The following STOX1 variants were observed in gnomAD, a reference collection of about 807,000 sequenced individuals.
STOX1 encodes the protein storkhead-box protein 1.
STOX1 carries 57 observed loss-of-function variants against 74.8 expected under a neutral mutation model. The ratio of observed to expected loss-of-function variants is 0.76; its 90% CI spans 0.62 to 0.95. STOX1 has a LOEUF of 0.95. Among genes scored for constraint, STOX1 ranks in the 40% least tolerant of loss-of-function variants. STOX1 has a pLI of 0.00. For synonymous variants in STOX1, 375 were observed against 401.3 expected (o/e 0.93, Z 0.78); for missense variants, 1,010 against 1,117.0 (o/e 0.90, Z 1.37).
In STOX1 at chr10:68,827,547, C is replaced by A. The variant is rs1409738697; in HGVS notation, c.-77C>A. ...GACCCGCGCGCAGTCGGCCGATCCT[C>A]CCGCCGAGCGAGCGGCGTCGTAGCC... On this transcript the variant is annotated 5_prime_UTR_variant, in exon 1 of 4. Coordinates refer to ENST00000298596, the MANE Select transcript of STOX1 (RefSeq NM_152709.5). 1.0e-6 allele frequency: 1 copy of A among 988,424 alleles called. No homozygotes were observed. Among genetic ancestry groups the A allele is most frequent in the South Asian group, 4.9e-5 (1 of 20,564 alleles). The allele number at this position is 988,424 out of a possible 1,614,324, so 61.2% of individuals were successfully genotyped here.
chr10:68,882,465 A>G (rs1840833174), intron 2 of STOX1, among the ~76,000 whole-genome samples: 1 of 151,710 alleles, frequency 6.6e-6, no homozygotes, highest in African/African-American at 2.4e-5. Context: ...CTTATATATG[A>G]TAATATAATA....
chr10:68,888,497 G>A (rs1053936722), intron 3 of STOX1, among the ~76,000 whole-genome samples: 2 of 151,970 alleles, frequency 1.3e-5, no homozygotes, highest in African/African-American at 2.4e-5. Flanking sequence ...TTTGTCTACT[G>A]GGCTCGTACT....
rs778354737 is a variant in STOX1, at chr10:68,869,077, G to A, written c.311-12881G>A. ...GTGGCCCAAGGCCCTATGAGGAACAGTCTGGCTCTTCTTCCTCGTGATGGT... is the reference window on the plus strand; with the variant it reads ...GTGGCCCAAGGCCCTATGAGGAACAATCTGGCTCTTCTTCCTCGTGATGGT... On this transcript the variant is annotated intron_variant, in intron 1 of 3. Coordinates refer to ENST00000298596, the MANE Select transcript of STOX1 (RefSeq NM_152709.5). Among the ~76,000 whole-genome samples the A allele has an allele frequency of 1.4e-4, 22 of 152,346 alleles. 1 individual carries two copies. The highest frequency in any genetic ancestry group is 8.3e-4 in the South Asian group (4 of 4,834).
intron 1 of STOX1, among the ~76,000 whole-genome samples, chr10:68,855,787 C>A (rs902821232): frequency 6.6e-6 from 1 of 151,834 alleles, no homozygotes; most frequent in Non-Finnish European, 1.5e-5. Context: ...TTAATGTGTC[C>A]TCTCATCTCC....
At chr10:68,855,517 C>A (rs185260248) in intron 1 of STOX1, among the ~76,000 whole-genome samples, 1 of 151,924 alleles carries the variant, frequency 6.6e-6, no homozygotes, top group East Asian at 1.9e-4. Flanking sequence ...CAGTTCACTG[C>A]GGCCTCGACC....
intron 1 of STOX1, among the ~76,000 whole-genome samples, chr10:68,876,565 G>A (rs1424373138): frequency 1.3e-5 from 2 of 152,104 alleles, no homozygotes; most frequent in Non-Finnish European, 2.9e-5. Context: ...AATAACCTCA[G>A]CTCTATGGTT....
At chr10:68,876,436 A>G (rs934329887) in intron 1 of STOX1, among the ~76,000 whole-genome samples, 2 of 152,118 alleles carry the variant, frequency 1.3e-5, no homozygotes, top group Non-Finnish European at 2.9e-5. Context: ...GATTACAGGC[A>G]TGAGCCACCA....
intron 1 of STOX1, among the ~76,000 whole-genome samples, chr10:68,870,250 CCTGTTAGTCA>C (rs1186926344): frequency 5.3e-5 from 8 of 152,228 alleles, no homozygotes; most frequent in African/African-American, 1.9e-4. Context: ...CATGACTAGA[CCTGTTAGTCA>C]CTGTCATTGC....
intron 1 of STOX1, chr10:68,828,363 A>G (rs991151242): frequency 1.1e-4 from 103 of 961,478 alleles, no homozygotes; most frequent in South Asian, 9.1e-4. Context: ...GTCTTCTGCC[A>G]CAGAGGCTAG....
chr10:68,881,908 A>G (rs1419150656), intron 1 of STOX1, 50 bp from the exon 2 acceptor site: 2 of 1,601,680 alleles, frequency 1.2e-6, no homozygotes, highest in Admixed American at 3.3e-5. Flanking sequence ...ATTTTATACT[A>G]TATCAAATTT....
intron 1 of STOX1, chr10:68,828,382 C>T: frequency 1.2e-6 from 1 of 851,396 alleles, no homozygotes; most frequent in Non-Finnish European, 1.5e-6. Flanking sequence ...AGGCGCTGCT[C>T]TGAGGGCCCG....
At chr10:68,874,063 C>T (rs889228476) in intron 1 of STOX1, among the ~76,000 whole-genome samples, 7 of 59,018 alleles carry the variant, frequency 1.2e-4, no homozygotes, top group African/African-American at 4.8e-4. Flanking sequence ...GGAAAGTTAC[C>T]ATCTTGTCTT....
intron 1 of STOX1, among the ~76,000 whole-genome samples, chr10:68,853,395 C>T (rs116402348): frequency 0.013 from 1,905 of 152,268 alleles, 62 homozygotes; most frequent in African/African-American, 0.043. Context: ...GTCAGTTGAA[C>T]AAATCTCATT....
At position 68,874,901 on chromosome 10, in the gene STOX1, G is replaced by T. The variant is rs912967174; in HGVS notation, c.311-7057G>T. On this transcript the variant is annotated intron_variant, in intron 1 of 3. Coordinates refer to ENST00000298596, the MANE Select transcript of STOX1 (RefSeq NM_152709.5). ...AGGCAAACACAGAATTGGGCCAGGT[G>T]GATTGTAATGATTTTGTAATGATTC... 2.0e-5 allele frequency among the ~76,000 whole-genome samples: 3 copies of T among 152,172 alleles called. No homozygotes were observed. In the East Asian group the frequency reaches 5.8e-4, roughly 29 times the overall value.
Position 68,885,123 on chromosome 10 carries a change from C to T in STOX1, c.1327C>T (p.Gln443Ter). ...AGCCAGGAATCAGGGAAGTGAGTTT[C>T]AGCCAGGAAGCATTAGACTGGAGAA... Reference protein sequence around the residue: ...HKARNQGSEFQPGSIRLEKHP... With the variant: ...HKARNQGSEF Residue 443 changes from glutamine to a stop codon, truncating the protein, a stop_gained, in exon 3 of 4, where the codon CAG becomes TAG. Coordinates refer to ENST00000298596, the MANE Select transcript of STOX1 (RefSeq NM_152709.5). LOFTEE classifies it high-confidence loss of function. 1 of 1,613,058 alleles carries T rather than the reference C, an allele frequency of 6.2e-7. No individual in the cohort carries two copies. Among genetic ancestry groups the T allele is most frequent in the Non-Finnish European group, 8.5e-7 (1 of 1,179,384 alleles).
At chr10:68,894,053 GTCTTT>G (rs201497043), downstream of STOX1, among the ~76,000 whole-genome samples, 1,204 of 151,004 alleles carry the variant, frequency 8.0e-3, 24 homozygotes, top group African/African-American at 0.028. Context: ...TTGAGGGAAT[GTCTTT>G]TCTTTTCTTT....
In STOX1 at chr10:68,827,575, C is replaced by T. The variant is rs986207335; in HGVS notation, c.-49C>T. 46 of 1,098,778 alleles carry T rather than the reference C, an allele frequency of 4.2e-5. No individual in the cohort carries two copies. Among genetic ancestry groups the T allele is most frequent in the East Asian group, 5.1e-5 (1 of 19,484 alleles). The allele number at this position is 1,098,778 out of a possible 1,614,324, so 68.1% of individuals were successfully genotyped here. On this transcript the variant is annotated 5_prime_UTR_variant, in exon 1 of 4. Transcript: ENST00000298596. ...GCCGAGCGAGCGGCGTCGTAGCCGCCGCGCTCGCCGAGGCCCTGCGTTGCG... is the reference window on the plus strand; with the variant it reads ...GCCGAGCGAGCGGCGTCGTAGCCGCTGCGCTCGCCGAGGCCCTGCGTTGCG...
Position 68,885,962 on chromosome 10 carries a change from G to A in STOX1, c.2166G>A (p.Gln722=). ...QLSNDDQALY[Q]NEVEDDDGAC... ...CTAACGATGACCAGGCCTTGTATCAGAATGAAGTGGAAGATGATGATGGTG... is the reference window on the plus strand; with the variant it reads ...CTAACGATGACCAGGCCTTGTATCAAAATGAAGTGGAAGATGATGATGGTG... The change falls in exon 3 of 4, where the codon CAG becomes CAA. Residue 722 remains glutamine (Q), a synonymous_variant. Transcript: ENST00000298596. The A allele has an allele frequency of 2.5e-6, 4 of 1,614,188 alleles. No homozygotes were observed. Among genetic ancestry groups the A allele is most frequent in the Non-Finnish European group, 3.4e-6 (4 of 1,180,036 alleles).
At chr10:68,848,887 C>T (rs1839915156) in intron 1 of STOX1, among the ~76,000 whole-genome samples, 1 of 152,130 alleles carries the variant, frequency 6.6e-6, no homozygotes, top group African/African-American at 2.4e-5. Flanking sequence ...CCAGGCTGGT[C>T]TCAAACTCCT....
Sources: gnomAD v4.1 joint callset for allele counts (sites outside exome capture counted in the v4.1 genomes callset) on GRCh38, gnomAD v4.1.1 for gene constraint, MANE v1.5 for transcripts, NCBI Gene and HGNC (gene_info 2026-07-23, HGNC 2026-07-21) for gene names.